The following RBM47 variants were observed in gnomAD, a reference collection of about 807,000 sequenced individuals.
The protein encoded by RBM47 is RNA-binding protein 47.
RBM47 carries 21 observed loss-of-function variants against 47.1 expected under a neutral mutation model. The observed-to-expected ratio is 0.45, with a 90% CI of 0.32 to 0.64. The LOEUF (loss-of-function observed/expected upper bound fraction) is 0.64, where lower values mean the gene tolerates loss of function less well. Among genes scored for constraint, RBM47 ranks in the 30% least tolerant of loss-of-function variants. RBM47 has a pLI of 0.05. For synonymous variants in RBM47, 375 were observed against 361.7 expected (o/e 1.04, Z -0.42); for missense variants, 708 against 870.9 (o/e 0.81, Z 2.35).
intron 2 of RBM47, among the ~76,000 whole-genome samples, chr4:40,520,951 A>G (rs1230875703): frequency 2.6e-5 from 4 of 152,050 alleles, no homozygotes; most frequent in Non-Finnish European, 4.4e-5. Context: ...ATACTAACAT[A>G]TTTCCCTTTT....
chr4:40,491,047 T>C (rs571319847), intron 2 of RBM47, among the ~76,000 whole-genome samples: 3 of 151,784 alleles, frequency 2.0e-5, no homozygotes, highest in East Asian at 1.9e-4. Flanking sequence ...AACGAGACAG[T>C]GTATAGGGTG....
intron 2 of RBM47, among the ~76,000 whole-genome samples, chr4:40,500,112 C>T (rs951759755): frequency 1.3e-5 from 2 of 151,976 alleles, no homozygotes; most frequent in African/African-American, 2.4e-5. Flanking sequence ...GCCAGGAGTT[C>T]GAGACCAGCC....
chr4:40,443,312 T>C (rs988719034), intron 3 of RBM47, among the ~76,000 whole-genome samples: 1 of 151,876 alleles, frequency 6.6e-6, no homozygotes, highest in Non-Finnish European at 1.5e-5. Flanking sequence ...ATGTTATGTA[T>C]AATATACCAC....
intron 1 of RBM47, among the ~76,000 whole-genome samples, chr4:40,614,424 G>A (rs920748126): frequency 1.4e-4 from 22 of 152,120 alleles, no homozygotes; most frequent in African/African-American, 5.3e-4. Context: ...TGAGGAGAAG[G>A]GCCATGGCCA....
At chr4:40,506,597 G>A (rs1724130364) in intron 2 of RBM47, among the ~76,000 whole-genome samples, 1 of 152,222 alleles carries the variant, frequency 6.6e-6, no homozygotes, top group Non-Finnish European at 1.5e-5. Context: ...GACAAGACCA[G>A]CATGAGGTCA....
At chr4:40,507,839 A>G (rs530638618) in intron 2 of RBM47, among the ~76,000 whole-genome samples, 1 of 152,020 alleles carries the variant, frequency 6.6e-6, no homozygotes, top group Non-Finnish European at 1.5e-5. Context: ...ATTTGAAGGG[A>G]AAAAGAGACA....
intron 1 of RBM47, among the ~76,000 whole-genome samples, chr4:40,579,547 A>C (rs562270855): frequency 1.9e-4 from 29 of 152,252 alleles, no homozygotes; most frequent in African/African-American, 7.0e-4. Context: ...AAATTATAAA[A>C]AATAAGATCT....
chr4:40,595,572 T>C (rs1734677615), intron 1 of RBM47, among the ~76,000 whole-genome samples: 1 of 152,022 alleles, frequency 6.6e-6, no homozygotes, highest in East Asian at 1.9e-4. Context: ...GAAATCACCC[T>C]ATCAATTCTT....
chr4:40,511,128 T>C (rs1255051975), intron 2 of RBM47, among the ~76,000 whole-genome samples: 2 of 152,188 alleles, frequency 1.3e-5, no homozygotes, highest in Non-Finnish European at 2.9e-5. Flanking sequence ...TGTCTGAAGG[T>C]TCCTCCAAGT....
chr4:40,541,351 C>T (rs1728522659), intron 2 of RBM47, among the ~76,000 whole-genome samples: 1 of 152,024 alleles, frequency 6.6e-6, no homozygotes, highest in South Asian at 2.1e-4. Flanking sequence ...AATTAGGGTT[C>T]CTTTTGTGTA....
At chr4:40,474,285 T>C (rs918425833) in intron 2 of RBM47, among the ~76,000 whole-genome samples, 3 of 152,164 alleles carry the variant, frequency 2.0e-5, no homozygotes, top group Non-Finnish European at 2.9e-5. Context: ...CACTGACTTA[T>C]ACAGGACAAG....
chr4:40,564,299 C>G (rs2154267135), intron 1 of RBM47, among the ~76,000 whole-genome samples: 1 of 152,294 alleles, frequency 6.6e-6, no homozygotes. Context: ...GATGGCAATG[C>G]CCAGGCAACC....
chr4:40,478,144 T>C (rs1719899468), intron 2 of RBM47, among the ~76,000 whole-genome samples: 1 of 151,120 alleles, frequency 6.6e-6, no homozygotes, highest in South Asian at 2.1e-4. Flanking sequence ...GCCTCCCGAG[T>C]AGCTGGGATT....
intron 2 of RBM47, among the ~76,000 whole-genome samples, chr4:40,509,954 A>AGG (rs558772170): frequency 6.6e-6 from 1 of 151,204 alleles, no homozygotes; most frequent in African/African-American, 2.4e-5. Flanking sequence ...TGGGAGGCTG[A>AGG]GGGGGGGTGG....
intron 2 of RBM47, among the ~76,000 whole-genome samples, chr4:40,471,882 T>C (rs1157452819): frequency 7.6e-4 from 116 of 152,116 alleles, no homozygotes; most frequent in Non-Finnish European, 5.9e-5. Context: ...ATTTCAGCCC[T>C]CACCAATTCC....
intron 1 of RBM47, among the ~76,000 whole-genome samples, chr4:40,613,566 T>G (rs1473073794): frequency 6.6e-6 from 1 of 152,206 alleles, no homozygotes; most frequent in African/African-American, 2.4e-5. Context: ...CCTTCTCCCC[T>G]CATACCTTCT....
At chr4:40,585,414 T>C (rs1733469464) in intron 1 of RBM47, among the ~76,000 whole-genome samples, 1 of 152,204 alleles carries the variant, frequency 6.6e-6, no homozygotes, top group Non-Finnish European at 1.5e-5. Flanking sequence ...ACTTTTATTG[T>C]AGAGGTAAGA....
intron 1 of RBM47, among the ~76,000 whole-genome samples, chr4:40,629,042 C>T (rs979329505): frequency 2.6e-5 from 4 of 152,202 alleles, no homozygotes; most frequent in Admixed American, 6.5e-5. Flanking sequence ...TCCTCAGTCT[C>T]ACTGTAATAA....
intron 2 of RBM47, among the ~76,000 whole-genome samples, chr4:40,501,646 C>T (rs966979871): frequency 1.3e-5 from 2 of 152,244 alleles, no homozygotes; most frequent in African/African-American, 4.8e-5. Flanking sequence ...TTGGACAACA[C>T]ATGTCTGTGT....
Sources: gnomAD v4.1 joint callset for allele counts (sites outside exome capture counted in the v4.1 genomes callset) on GRCh38, gnomAD v4.1.1 for gene constraint, MANE v1.5 for transcripts, NCBI Gene and HGNC (gene_info 2026-07-23, HGNC 2026-07-21) for gene names.